PLCL2: variants seen among roughly 807,000 people sequenced by gnomAD.
PLCL2 encodes inactive phospholipase C-like protein 2.
A neutral mutation model predicts 79.6 loss-of-function variants in PLCL2; 4 were observed. The ratio of observed to expected loss-of-function variants is 0.05; its 90% CI spans 0.02 to 0.11. PLCL2 has a LOEUF of 0.11. Among genes scored for constraint, PLCL2 ranks in the 10% least tolerant of loss-of-function variants. The pLI, the probability that PLCL2 is intolerant of heterozygous loss-of-function variation, is 1.00. For synonymous variants in PLCL2, 484 were observed against 457.7 expected, an observed-to-expected ratio of 1.06 and a Z score of -0.73; for missense variants, 895 against 1,291.0, an observed-to-expected ratio of 0.69 and a Z score of 4.70.
At chr3:17,053,574 A>G (rs1247805160) in intron 4 of PLCL2, among the ~76,000 whole-genome samples, 4 of 152,208 alleles carry the variant, frequency 2.6e-5, no homozygotes, top group Non-Finnish European at 5.9e-5. Flanking sequence ...AATCCCCCAA[A>G]GTCTTAACTC....
chr3:17,048,377 A>G (rs771485723), intron 4 of PLCL2, among the ~76,000 whole-genome samples: 5 of 152,218 alleles, frequency 3.3e-5, no homozygotes, highest in Non-Finnish European at 7.3e-5. Flanking sequence ...TTGAAAAAAG[A>G]CAGATGAACC....
chr3:17,090,354 C>A lies in PLCL2; in HGVS notation c.*442C>A. ...TCTGGGTTCTAGATGATTTTGGTGG[C>A]ATGCTTGCTGAGCCATAATTACTAA... On this transcript the variant is annotated 3_prime_UTR_variant, in exon 6 of 6. Coordinates refer to ENST00000615277, the MANE Select transcript of PLCL2 (RefSeq NM_001144382.2). The A allele has an allele frequency of 1.5e-6, 1 of 664,012 alleles. No individual in the cohort carries two copies. The highest frequency in any genetic ancestry group is 1.9e-6 in the Non-Finnish European group (1 of 536,294). 41.1% of individuals were successfully genotyped at this position (664,012 alleles called of 1,614,324 possible). A position where few individuals can be genotyped will look rare whatever the true frequency, so the allele number is the denominator to read the frequency against.
intron 4 of PLCL2, among the ~76,000 whole-genome samples, chr3:17,051,688 A>G (rs2064840516): frequency 6.6e-6 from 1 of 152,186 alleles, no homozygotes; most frequent in Non-Finnish European, 1.5e-5. Context: ...TAAAGCTGCT[A>G]ATGCCCAAGC....
chr3:16,986,093 A>T (rs1313425488), intron 1 of PLCL2, among the ~76,000 whole-genome samples: 9 of 152,082 alleles, frequency 5.9e-5, no homozygotes, highest in Non-Finnish European at 1.3e-4. Flanking sequence ...AGGCACAAGG[A>T]GCTGTAGGGG....
At chr3:16,974,806 T>G (rs945136692) in intron 1 of PLCL2, among the ~76,000 whole-genome samples, 18 of 152,228 alleles carry the variant, frequency 1.2e-4, no homozygotes, top group African/African-American at 4.3e-4. Context: ...GCACTAAGAT[T>G]TAGTACCTTT....
intron 4 of PLCL2, 136 bp downstream of exon 4, chr3:17,043,085 A>T: frequency 1.6e-6 from 1 of 626,032 alleles, no homozygotes; most frequent in Non-Finnish European, 2.9e-6. Flanking sequence ...TAAAGAAAAT[A>T]CCAATTCAGT....
chr3:16,885,232 G>C lies in PLCL2; in HGVS notation c.193G>C (p.Gly65Arg). 3.0e-6 allele frequency: 2 copies of C among 663,438 alleles called. No individual in the cohort carries two copies. The highest frequency in any genetic ancestry group is 1.8e-5 in the African/African-American group (1 of 54,248). 41.1% of individuals were successfully genotyped at this position (663,438 alleles called of 1,614,324 possible). The change falls in exon 1 of 6, where the codon GGG (glycine) becomes CGG (arginine). Residue 65 changes from glycine to arginine, a missense_variant. Gly to Arg is a moderately radical substitution (Grantham distance 125, BLOSUM62 -2). Around this residue, in one of 6 missense-constraint regions of PLCL2, gnomAD observed 110 missense variants for 42.9 expected, o/e 2.56. Coordinates refer to ENST00000615277, the MANE Select transcript of PLCL2 (RefSeq NM_001144382.2). ...SNGDCSLGVSGDEARASPTRG... is the reference protein window; with the variant it reads ...SNGDCSLGVSRDEARASPTRG... The stretch of plus-strand genomic sequence containing the variant: ...CGGAGACTGCAGCCTCGGCGTGTCC[G>C]GGGACGAAGCCCGGGCTAGCCCTAC...
At chr3:16,990,995 G>A (rs1209513129) in intron 1 of PLCL2, among the ~76,000 whole-genome samples, 1 of 152,210 alleles carries the variant, frequency 6.6e-6, no homozygotes, top group Non-Finnish European at 1.5e-5. Flanking sequence ...TGGGAACTCA[G>A]AGGGGATGCA....
chr3:17,072,274 A>G (rs1213216433), intron 5 of PLCL2, among the ~76,000 whole-genome samples: 1 of 152,180 alleles, frequency 6.6e-6, no homozygotes, highest in Non-Finnish European at 1.5e-5. Context: ...TTTGAGGTTA[A>G]GAAAAGGGAT....
At chr3:16,889,463 G>A (rs1441371427) in intron 1 of PLCL2, among the ~76,000 whole-genome samples, 4 of 152,206 alleles carry the variant, frequency 2.6e-5, no homozygotes, top group African/African-American at 9.7e-5. Flanking sequence ...ATAGCCAGGA[G>A]GCTTTTAGTC....
At chr3:16,960,829 T>A (rs1180798785) in intron 1 of PLCL2, among the ~76,000 whole-genome samples, 4 of 152,216 alleles carry the variant, frequency 2.6e-5, no homozygotes, top group African/African-American at 9.7e-5. Flanking sequence ...AGCTTAAGAG[T>A]GAGAATATAT....
intron 3 of PLCL2, among the ~76,000 whole-genome samples, chr3:17,024,948 GA>G (rs2064498264): frequency 6.6e-6 from 1 of 152,168 alleles, no homozygotes; most frequent in Non-Finnish European, 1.5e-5. Flanking sequence ...ACTAGTGATA[GA>G]AACCTGGGCG....
chr3:17,068,028 C>T lies in PLCL2; in HGVS notation c.3167C>T (p.Ala1056Val), dbSNP rs1429830602. 6.2e-7 allele frequency: 1 copy of T among 1,609,682 alleles called. No homozygotes were observed. The highest frequency in any genetic ancestry group is 8.5e-7 in the Non-Finnish European group (1 of 1,176,234). ...EGLKERKLQKAVESFTWNITI... is the reference protein window; with the variant it reads ...EGLKERKLQKVVESFTWNITI... ...TTGAAGGAAAGAAAACTACAAAAAG[C>T]AGTGGAGAGCTTTACCTGGAATATT... The change falls in exon 5 of 6, where the codon GCA becomes GTA. Residue 1056 changes from alanine to valine, a missense_variant. By Grantham distance (64) the Ala-to-Val change is moderately conservative. Coordinates refer to ENST00000615277, the MANE Select transcript of PLCL2 (RefSeq NM_001144382.2).
chr3:16,950,515 A>G (rs1248195847), intron 1 of PLCL2, among the ~76,000 whole-genome samples: 1 of 151,424 alleles, frequency 6.6e-6, no homozygotes, highest in Non-Finnish European at 1.5e-5. Flanking sequence ...CTCTTCATGT[A>G]GAGATTTTAA....
At chr3:17,071,476 G>A (rs1052874943) in intron 5 of PLCL2, among the ~76,000 whole-genome samples, 16 of 151,892 alleles carry the variant, frequency 1.1e-4, no homozygotes, top group African/African-American at 3.9e-4. Flanking sequence ...TTCATTTGTT[G>A]TTATAAATCT....
chr3:17,067,078 G>C (rs191735734), intron 4 of PLCL2, among the ~76,000 whole-genome samples: 8 of 151,942 alleles, frequency 5.3e-5, no homozygotes, highest in African/African-American at 1.7e-4. Context: ...TGAGAAAAAA[G>C]AAACACATGA....
At chr3:17,055,060 A>G (rs2064879311) in intron 4 of PLCL2, among the ~76,000 whole-genome samples, 1 of 152,210 alleles carries the variant, frequency 6.6e-6, no homozygotes, top group African/African-American at 2.4e-5. Context: ...CAGTTACTGA[A>G]AAAGATTAAA....
At chr3:16,934,212 A>G (rs914448935) in intron 1 of PLCL2, among the ~76,000 whole-genome samples, 2 of 152,220 alleles carry the variant, frequency 1.3e-5, no homozygotes, top group African/African-American at 4.8e-5. Context: ...CCACAGTTAA[A>G]TCCACATAAT....
chr3:17,010,148 A>G lies in PLCL2; in HGVS notation c.802A>G (p.Arg268Gly), dbSNP rs1190720412. The G allele has an allele frequency of 6.2e-7, 1 of 1,613,924 alleles. No individual in the cohort carries two copies. The highest frequency in any genetic ancestry group is 2.2e-5 in the East Asian group (1 of 44,882). Residue 268 changes from arginine (R) to glycine (G), a missense_variant, in exon 2 of 6, where the codon AGG becomes GGG. Arg to Gly is a moderately radical substitution (Grantham distance 125, BLOSUM62 -2). Coordinates refer to ENST00000615277, the MANE Select transcript of PLCL2 (RefSeq NM_001144382.2). This position sits in a 1 kb window ranked among gnomAD's most constrained non-coding sequence, Gnocchi z 5.8. ...GTTAGAAAGTAGCCAAGATAACATG[A>G]GGACTTCTTGGGTTTCACAAATGTT... Reference protein sequence around the residue: ...DMLESSQDNMRTSWVSQMFSE... With the variant: ...DMLESSQDNMGTSWVSQMFSE...
Sources: allele counts gnomAD v4.1 joint callset (sites outside exome capture counted in the v4.1 genomes callset), GRCh38; gene constraint gnomAD v4.1.1; regional missense constraint gnomAD v4.1.1; non-coding constraint Gnocchi (gnomAD v3.1); transcripts MANE v1.5; gene names NCBI Gene and HGNC (gene_info 2026-07-23, HGNC 2026-07-21).